The following HS1BP3 variants were observed in gnomAD, a reference collection of about 807,000 sequenced individuals.
HS1BP3 encodes HCLS1 binding protein 3.
HS1BP3 carries 32 observed loss-of-function variants against 33.5 expected under a neutral mutation model. That is an observed-to-expected ratio of 0.95 (90% CI 0.72 to 1.28). HS1BP3 has a LOEUF of 1.28. Ranked by LOEUF, HS1BP3 falls within the 50% of genes most tolerant of loss-of-function variation. The pLI, the probability that HS1BP3 is intolerant of heterozygous loss-of-function variation, is 0.00. For synonymous variants in HS1BP3, 187 were observed against 209.2 expected (o/e 0.89, Z 0.92); for missense variants, 486 against 502.3 (o/e 0.97, Z 0.31).
intron 1 of HS1BP3, among the ~76,000 whole-genome samples, chr2:20,649,776 G>T (rs1462538991): frequency 6.6e-6 from 1 of 152,190 alleles, no homozygotes; most frequent in Admixed American, 6.5e-5. Context: ...GGTGCCCTCA[G>T]CAAGAAATGA....
chr2:20,635,606 T>C (rs1695098908), intron 4 of HS1BP3: 3 of 152,160 alleles, frequency 2.0e-5, no homozygotes, highest in Non-Finnish European at 1.5e-5. Flanking sequence ...GTCAATTTTC[T>C]CAGCACCGTG....
chr2:20,579,870 C>T (rs17718362), intron 5 of HS1BP3, among the ~76,000 whole-genome samples: 5,920 of 152,358 alleles, frequency 0.039, 139 homozygotes, highest in Middle Eastern at 0.058. Context: ...GATGACCTAA[C>T]GTAAGGCACA....
At chr2:20,569,315 G>A (rs1558317056) in intron 5 of HS1BP3, among the ~76,000 whole-genome samples, 1 of 152,168 alleles carries the variant, frequency 6.6e-6, no homozygotes, top group South Asian at 2.1e-4. Context: ...AGGAAGTTAC[G>A]TATTTTGTTT....
downstream of HS1BP3, among the ~76,000 whole-genome samples, chr2:20,559,642 GGA>G (rs1692933670): frequency 1.3e-5 from 2 of 149,802 alleles, no homozygotes; most frequent in Non-Finnish European, 1.5e-5. Context: ...ATAGGTAGAT[GGA>G]TGGATGGATG....
downstream of HS1BP3, among the ~76,000 whole-genome samples, chr2:20,589,801 A>G (rs556497822): frequency 4.6e-5 from 7 of 152,024 alleles, no homozygotes; most frequent in South Asian, 1.5e-3. Context: ...CAGACTCCTC[A>G]CAGCTGGTGG....
chr2:20,558,374 C>T (rs1337402180), downstream of HS1BP3, among the ~76,000 whole-genome samples: 5 of 152,164 alleles, frequency 3.3e-5, no homozygotes, highest in Admixed American at 2.0e-4. Flanking sequence ...TGTTTGGACA[C>T]CTGGTACTTT....
intron 4 of HS1BP3, among the ~76,000 whole-genome samples, chr2:20,632,280 C>A (rs1040341925): frequency 6.6e-6 from 1 of 152,244 alleles, no homozygotes; most frequent in African/African-American, 2.4e-5. Context: ...AGTAAACAAC[C>A]ATTGCTGGTT....
chr2:20,626,586 C>T (rs1207203017), intron 4 of HS1BP3, among the ~76,000 whole-genome samples: 2 of 152,220 alleles, frequency 1.3e-5, no homozygotes, highest in African/African-American at 4.8e-5. Context: ...CTGCTGTTCT[C>T]TGGGGAGAAA....
intron 5 of HS1BP3, among the ~76,000 whole-genome samples, chr2:20,573,854 C>T (rs1024515833): frequency 6.6e-6 from 1 of 152,212 alleles, no homozygotes; most frequent in African/African-American, 2.4e-5. Context: ...GACACAACAC[C>T]GCCATCCCCA....
At chr2:20,620,565 A>G (rs1386239730) in intron 6 of HS1BP3, among the ~76,000 whole-genome samples, 1 of 152,164 alleles carries the variant, frequency 6.6e-6, no homozygotes, top group Non-Finnish European at 1.5e-5. Flanking sequence ...GCTGCACGGA[A>G]CTGTACACAG....
Position 20,638,690 on chromosome 2 carries a change from A to AC in HS1BP3, c.407-39dup, listed in dbSNP as rs1259538298. On this transcript the variant is annotated intron_variant, in intron 3 of 6. Coordinates refer to ENST00000304031, the MANE Select transcript of HS1BP3 (RefSeq NM_022460.4). ...ACAGAAAAGAATGGACTTGGTAACCACCCCAGAGCCAGGGGAGGCATCTTG... is the reference window on the plus strand; with the variant it reads ...ACAGAAAAGAATGGACTTGGTAACCACCCCCAGAGCCAGGGGAGGCATCTTG... The AC allele has an allele frequency of 7.8e-6, 12 of 1,536,460 alleles. No individual in the cohort carries two copies. The East Asian group carries it at 9.0e-5, about 12-fold the overall frequency.
At chr2:20,630,866 A>C (rs925974941) in intron 4 of HS1BP3, among the ~76,000 whole-genome samples, 3 of 152,208 alleles carry the variant, frequency 2.0e-5, no homozygotes, top group Non-Finnish European at 4.4e-5. Context: ...GAAAGTGCCC[A>C]ATAGCTGGGC....
At chr2:20,603,125 G>T (rs544907226) in intron 2 of HS1BP3, among the ~76,000 whole-genome samples, 26 of 152,312 alleles carry the variant, frequency 1.7e-4, no homozygotes, top group African/African-American at 5.3e-4. Flanking sequence ...TATCATGCTG[G>T]TGGGAATATA....
chr2:20,595,214 T>A (rs1388374026), intron 3 of HS1BP3, among the ~76,000 whole-genome samples: 1 of 152,126 alleles, frequency 6.6e-6, no homozygotes, highest in Non-Finnish European at 1.5e-5. Flanking sequence ...TCTGGACAGA[T>A]GGCTGTGACC....
chr2:20,634,000 T>G (rs1695044101), intron 4 of HS1BP3, among the ~76,000 whole-genome samples: 1 of 152,202 alleles, frequency 6.6e-6, no homozygotes, highest in African/African-American at 2.4e-5. Flanking sequence ...GCTGCACAGG[T>G]GCAGGGTGAG....
chr2:20,615,018 T>C (rs1403195269), downstream of HS1BP3, among the ~76,000 whole-genome samples: 3 of 152,206 alleles, frequency 2.0e-5, no homozygotes. Context: ...GCACTGGGGC[T>C]GGGGACTTGA....
chr2:20,565,337 A>G (rs972848595), intron 5 of HS1BP3, among the ~76,000 whole-genome samples: 1 of 152,214 alleles, frequency 6.6e-6, no homozygotes, highest in Non-Finnish European at 1.5e-5. Flanking sequence ...CTCCTCCACC[A>G]GATGGACCAG....
intron 5 of HS1BP3, among the ~76,000 whole-genome samples, chr2:20,571,575 C>T (rs779686044): frequency 2.0e-5 from 3 of 152,226 alleles, no homozygotes; most frequent in Non-Finnish European, 2.9e-5. Flanking sequence ...CAGCGTGCCT[C>T]GGATGCCTGG....
intron 5 of HS1BP3, among the ~76,000 whole-genome samples, chr2:20,565,787 C>T (rs1424744669): frequency 2.0e-5 from 3 of 152,234 alleles, no homozygotes; most frequent in East Asian, 1.9e-4. Flanking sequence ...TTTGTCACTC[C>T]TCTCAGGATA....
Sources: allele counts gnomAD v4.1 joint callset (sites outside exome capture counted in the v4.1 genomes callset), GRCh38; gene constraint gnomAD v4.1.1; transcripts MANE v1.5; gene names NCBI Gene and HGNC (gene_info 2026-07-23, HGNC 2026-07-21).